Variants in LTA4H observed in about 807,000 individuals in gnomAD.
The protein encoded by LTA4H is leukotriene A4 hydrolase.
A neutral mutation model predicts 89.8 loss-of-function variants in LTA4H; 59 were observed. The ratio of observed to expected loss-of-function variants is 0.66; its 90% CI spans 0.53 to 0.82. The LOEUF is 0.82. LTA4H is among the 40% of genes least tolerant of loss of function. LTA4H has a pLI of 0.00. For missense variants in LTA4H, 617 were observed against 727.0 expected (o/e 0.85, Z 1.74); for synonymous variants, 227 against 253.1 (o/e 0.90, Z 0.98).
rs112588072 is a variant in LTA4H at position 96,014,872 on chromosome 12, T to A, written c.1187A>T (p.Gln396Leu). 6.2e-7 allele frequency: 1 copy of A among 1,611,964 alleles called. No individual in the cohort carries two copies. Among genetic ancestry groups the A allele is most frequent in the African/African-American group, 1.3e-5 (1 of 74,816 alleles). Reference protein sequence around the residue: ...KGFALLFYLEQLLGGPEIFLG... With the variant: ...KGFALLFYLELLLGGPEIFLG... ...CTACTTACCTGGTCCTCCAAGCAGT[T>A]GTTCAAGGTAAAAAAGTAAAGCAAA... Residue 396 changes from glutamine to leucine, a missense_variant, in exon 12 of 19, where the codon CAA becomes CTA. Transcript: ENST00000228740.
chr12:96,042,717 C>T (rs930373219), intron 1 of LTA4H, among the ~76,000 whole-genome samples: 1 of 152,072 alleles, frequency 6.6e-6, no homozygotes, highest in African/African-American at 2.4e-5. Flanking sequence ...TGATAATTTC[C>T]AGGCCTTCTC....
intron 13 of LTA4H, 138 bp downstream of exon 13, chr12:96,013,612 A>C (rs1454941537): frequency 1.6e-6 from 1 of 606,374 alleles, no homozygotes; most frequent in African/African-American, 1.9e-5. Context: ...CACATTTAAA[A>C]TAGAAAAAAT....
chr12:96,016,061 C>A (rs893751530), intron 10 of LTA4H, among the ~76,000 whole-genome samples: 4 of 152,208 alleles, frequency 2.6e-5, no homozygotes, highest in African/African-American at 9.6e-5. Flanking sequence ...CGCCTGTAAT[C>A]CTAGCACTTT....
chr12:96,042,762 C>T (rs1003603664), intron 1 of LTA4H, among the ~76,000 whole-genome samples: 3 of 152,128 alleles, frequency 2.0e-5, no homozygotes, highest in East Asian at 1.9e-4. Flanking sequence ...TTCCTGTAAC[C>T]GGTTACAGAA....
rs1950353566 is a variant in LTA4H at position 96,014,904 on chromosome 12, C to G, written c.1155G>C (p.Glu385Asp). The G allele has an allele frequency of 6.2e-7, 1 of 1,613,704 alleles. No individual in the cohort carries two copies. The highest frequency in any genetic ancestry group is 1.1e-5 in the South Asian group (1 of 91,056). ...PDVAYSSVPY[E>D]KGFALLFYLE... ...GGTAAAAAAGTAAAGCAAAGCCCTT[C>G]TCATAGGGAACTGAAGAATAAGCTA... The change falls in exon 12 of 19, where the codon GAG becomes GAC. Residue 385 changes from glutamate (E) to aspartate (D), a missense_variant. This residue lies in a region of LTA4H where 290 missense variants were observed against 339.1 expected (regional missense o/e 0.86). Transcript: ENST00000228740.
upstream of LTA4H, among the ~76,000 whole-genome samples, chr12:96,038,831 T>A (rs2136928669): frequency 6.7e-6 from 1 of 150,104 alleles, no homozygotes; most frequent in East Asian, 1.9e-4. Flanking sequence ...TATCATCATC[T>A]TCTATTATTG....
intron 18 of LTA4H, among the ~76,000 whole-genome samples, chr12:96,002,318 A>T (rs1199412582): frequency 6.6e-6 from 1 of 152,252 alleles, no homozygotes; most frequent in Non-Finnish European, 1.5e-5. Flanking sequence ...TTATGATATT[A>T]TATGGCCATC....
rs565174090 is a variant in LTA4H, at chr12:96,012,427, T to G, written c.1379+761A>C. On this transcript the variant is annotated intron_variant, in intron 14 of 18. Transcript: ENST00000228740. ...GGGTTCAGTATAAAAAGCAGTATAT[T>G]GAGGCCGGGCACGGTGGCTCACGCC... 2.0e-5 allele frequency: 3 copies of G among 152,474 alleles called. No homozygotes were observed. In the South Asian group the frequency reaches 6.2e-4, roughly 32 times the overall value. 9.4% of individuals were successfully genotyped at this position (152,474 alleles called of 1,614,324 possible).
At chr12:96,004,985 T>C (rs1950175565) in intron 16 of LTA4H, among the ~76,000 whole-genome samples, 1 of 152,204 alleles carries the variant, frequency 6.6e-6, no homozygotes, top group Admixed American at 6.5e-5. Context: ...GGTCCTTTGT[T>C]GCGTCAAAAT....
chr12:96,007,530 T>C (rs1437833455), intron 15 of LTA4H, among the ~76,000 whole-genome samples: 5 of 152,242 alleles, frequency 3.3e-5, no homozygotes, highest in African/African-American at 1.2e-4. Flanking sequence ...AATTGTTTTA[T>C]ACACCATATG....
chr12:96,037,459 G>A (rs930785098), upstream of LTA4H, among the ~76,000 whole-genome samples: 7 of 152,178 alleles, frequency 4.6e-5, no homozygotes, highest in African/African-American at 1.7e-4. Context: ...ATGCAGTCCC[G>A]AGGACCACCG....
intron 3 of LTA4H, among the ~76,000 whole-genome samples, chr12:96,026,953 T>C (rs184732451): frequency 5.3e-4 from 81 of 152,302 alleles, no homozygotes; most frequent in Non-Finnish European, 7.2e-4. Flanking sequence ...AGTTAATATA[T>C]TGATATAATA....
At chr12:96,037,763 G>A (rs956643083), upstream of LTA4H, among the ~76,000 whole-genome samples, 2 of 143,982 alleles carry the variant, frequency 1.4e-5, no homozygotes, top group African/African-American at 2.6e-5. Flanking sequence ...GCGCAATCTC[G>A]GCTCACACAA....
chr12:96,002,484 G>A (rs1198014012), intron 18 of LTA4H, among the ~76,000 whole-genome samples: 1 of 151,960 alleles, frequency 6.6e-6, no homozygotes, highest in East Asian at 1.9e-4. Flanking sequence ...AGATATTCTT[G>A]TATCTTGCTG....
At chr12:96,008,340 T>C (rs1446315948) in intron 15 of LTA4H, among the ~76,000 whole-genome samples, 1 of 152,158 alleles carries the variant, frequency 6.6e-6, no homozygotes, top group African/African-American at 2.4e-5. Context: ...TTAGTACATA[T>C]ATGAAGAAGC....
intron 1 of LTA4H, among the ~76,000 whole-genome samples, chr12:96,041,566 CA>C (rs565907757): frequency 6.6e-6 from 1 of 151,196 alleles, no homozygotes; most frequent in African/African-American, 2.4e-5. Context: ...AAAAAAAAAA[CA>C]AAAAAAGAAA....
At chr12:96,019,909 T>G (rs567226663) in intron 6 of LTA4H, among the ~76,000 whole-genome samples, 8 of 150,592 alleles carry the variant, frequency 5.3e-5, no homozygotes, top group Admixed American at 3.3e-4. Flanking sequence ...GTTTTTTTTT[T>G]TTTTTTTTTT....
intron 14 of LTA4H, chr12:96,010,814 G>A (rs1018410571): frequency 2.0e-5 from 3 of 152,246 alleles, no homozygotes; most frequent in African/African-American, 7.2e-5. Context: ...TGCCAGAACA[G>A]TCTTCCAGGA....
chr12:96,018,229 C>G (rs1193651061), intron 8 of LTA4H, among the ~76,000 whole-genome samples: 1 of 152,120 alleles, frequency 6.6e-6, no homozygotes, highest in African/African-American at 2.4e-5. Flanking sequence ...TTCTCCTTCT[C>G]CAAATGGCCT....
Sources: allele counts gnomAD v4.1 joint callset (sites outside exome capture counted in the v4.1 genomes callset), GRCh38; gene constraint gnomAD v4.1.1; regional missense constraint gnomAD v4.1.1; transcripts MANE v1.5; gene names NCBI Gene and HGNC (gene_info 2026-07-23, HGNC 2026-07-21).